Variants in FANCC observed in about 807,000 individuals in gnomAD.
FANCC encodes FA complementation group C.
A neutral mutation model predicts 71.3 loss-of-function variants in FANCC; 55 were observed. That is an observed-to-expected ratio of 0.77 (90% confidence interval 0.62 to 0.97). The LOEUF is 0.97. Ranked by LOEUF, FANCC falls within the 50% of genes least tolerant of loss-of-function variation. FANCC has a pLI of 0.00. For synonymous variants in FANCC, 275 were observed against 244.9 expected (o/e 1.12, Z -1.15); for missense variants, 678 against 670.9 (o/e 1.01, Z -0.12).
intron 3 of FANCC, among the ~76,000 whole-genome samples, chr9:95,245,546 A>G (rs1451333585): frequency 2.0e-5 from 3 of 151,690 alleles, no homozygotes; most frequent in Admixed American, 6.6e-5. Context: ...ATATAGTGTA[A>G]TAGAAGTTAT....
intron 1 of FANCC, among the ~76,000 whole-genome samples, chr9:95,287,630 A>T (rs1833764457): frequency 6.6e-6 from 1 of 152,208 alleles, no homozygotes; most frequent in Admixed American, 6.5e-5. Flanking sequence ...AAAGAATTCC[A>T]TTTGTCAAAT....
At position 95,099,432 on chromosome 9, in the gene FANCC, G is replaced by A. The variant is rs2071008597; in HGVS notation, c.*2275C>T. On this transcript the variant is annotated 3_prime_UTR_variant, in exon 15 of 15. Transcript: ENST00000289081. The stretch of plus-strand genomic sequence containing the variant: ...ACGCCGTCAAGGCCCCCTCGGCCAC[G>A]CCGCGTCCCCGCCCAGCATCTCGGA... 8.9e-6 allele frequency: 2 copies of A among 225,840 alleles called. No homozygotes were observed. The highest frequency in any genetic ancestry group is 1.7e-5 in the Non-Finnish European group (2 of 114,544). 14.0% of individuals were successfully genotyped at this position (225,840 alleles called of 1,614,324 possible). A position where few individuals can be genotyped will look rare whatever the true frequency, so the allele number is the denominator to read the frequency against.
intron 4 of FANCC, among the ~76,000 whole-genome samples, chr9:95,206,260 G>A (rs1828115376): frequency 6.6e-6 from 1 of 152,178 alleles, no homozygotes; most frequent in African/African-American, 2.4e-5. Context: ...CCTGTGGAAT[G>A]CTGTTTACTT....
chr9:95,302,800 A>G (rs1290541383), intron 1 of FANCC, among the ~76,000 whole-genome samples: 3 of 152,242 alleles, frequency 2.0e-5, no homozygotes, highest in Non-Finnish European at 4.4e-5. Flanking sequence ...CAGTAGGGGT[A>G]AAAAACAGCT....
chr9:95,154,190 G>A (rs1261037292), intron 6 of FANCC, among the ~76,000 whole-genome samples: 3 of 136,144 alleles, frequency 2.2e-5, no homozygotes, highest in Admixed American at 8.5e-5. Flanking sequence ...AGATTGCAGT[G>A]AGCTGACATC....
At chr9:95,111,744 TC>T in intron 12 of FANCC, 107 bp from the exon 13 acceptor site, 1 of 1,289,996 alleles carries the variant, frequency 7.8e-7, no homozygotes, top group Non-Finnish European at 1.1e-6. Context: ...ATTGTACTTA[TC>T]CACTGAAGTG....
chr9:95,301,781 A>T (rs908167524), intron 1 of FANCC, among the ~76,000 whole-genome samples: 7 of 151,962 alleles, frequency 4.6e-5, no homozygotes, highest in Non-Finnish European at 8.8e-5. Flanking sequence ...CAGTTCTTTA[A>T]AATAAAAGAA....
At chr9:95,159,927 G>A (rs922820562) in intron 6 of FANCC, among the ~76,000 whole-genome samples, 1 of 152,066 alleles carries the variant, frequency 6.6e-6, no homozygotes, top group Non-Finnish European at 1.5e-5. Flanking sequence ...CTGGATATTA[G>A]CCCTTTGTCA....
chr9:95,135,162 C>T (rs1827486778), intron 8 of FANCC, among the ~76,000 whole-genome samples, 184 bp downstream of exon 8: 2 of 152,186 alleles, frequency 1.3e-5, no homozygotes, highest in Non-Finnish European at 1.5e-5. Context: ...TCCCTGCATG[C>T]TCCAAGGATG....
intron 6 of FANCC, among the ~76,000 whole-genome samples, chr9:95,154,245 C>CAA (rs58720791): frequency 0.062 from 3,102 of 49,942 alleles, 464 homozygotes; most frequent in Non-Finnish European, 0.078. Flanking sequence ...GACTCCGTCT[C>CAA]AAAAAAAAAA....
chr9:95,277,362 G>A (rs573650805), intron 1 of FANCC, among the ~76,000 whole-genome samples: 3 of 152,222 alleles, frequency 2.0e-5, no homozygotes, highest in South Asian at 4.1e-4. Context: ...TAGAAGTGAG[G>A]ATTTTGAAAG....
chr9:95,260,366 A>G (rs1375677547), intron 1 of FANCC, among the ~76,000 whole-genome samples: 3 of 152,204 alleles, frequency 2.0e-5, no homozygotes, highest in Non-Finnish European at 2.9e-5. Context: ...AGCCATAAAA[A>G]AGGCTAAGTT....
At position 95,100,980 on chromosome 9, in the gene FANCC, G is replaced by GAACT. The variant is rs56250966; in HGVS notation, c.*723_*726dup. The GAACT allele has an allele frequency of 1.7e-5, 4 of 233,192 alleles. No homozygotes were observed. The highest frequency in any genetic ancestry group is 8.8e-5 in the African/African-American group (4 of 45,298). The allele number at this position is 233,192 out of a possible 1,614,324, so 14.4% of individuals were successfully genotyped here. A position where few individuals can be genotyped will look rare whatever the true frequency, so the allele number is the denominator to read the frequency against. On this transcript the variant is annotated 3_prime_UTR_variant, in exon 15 of 15. Coordinates refer to ENST00000289081, the MANE Select transcript of FANCC (RefSeq NM_000136.3). ...CAATTCCCATTTCCATTTAACAAGA[G>GAACT]AACTAACTAACTGAATTAATCCTGC...
At chr9:95,212,404 A>G (rs1828561719) in intron 4 of FANCC, among the ~76,000 whole-genome samples, 2 of 152,204 alleles carry the variant, frequency 1.3e-5, no homozygotes, top group African/African-American at 4.8e-5. Context: ...GATAAAAATG[A>G]CAACAGCCTT....
intron 6 of FANCC, among the ~76,000 whole-genome samples, chr9:95,159,790 T>C (rs1391749064): frequency 6.6e-6 from 1 of 152,262 alleles, no homozygotes; most frequent in Non-Finnish European, 1.5e-5. Context: ...CCAGTGATGA[T>C]GAGCATTTTT....
At chr9:95,285,446 T>C (rs1184779139) in intron 1 of FANCC, among the ~76,000 whole-genome samples, 1 of 152,116 alleles carries the variant, frequency 6.6e-6, no homozygotes, top group African/African-American at 2.4e-5. Flanking sequence ...ATAAACAATA[T>C]ACATATCAAG....
chr9:95,121,944 G>A (rs1335135706), intron 10 of FANCC, among the ~76,000 whole-genome samples: 3 of 149,858 alleles, frequency 2.0e-5, no homozygotes, highest in Non-Finnish European at 3.0e-5. Context: ...TGCAAGCTCC[G>A]CCTCCCGGGT....
intron 1 of FANCC, among the ~76,000 whole-genome samples, chr9:95,308,631 G>A (rs1209922435): frequency 2.0e-5 from 3 of 151,758 alleles, no homozygotes; most frequent in East Asian, 1.9e-4. Context: ...CACCCGCCTC[G>A]GCCTCCCAAA....
At chr9:95,128,564 TA>T (rs1165963560) in intron 8 of FANCC, among the ~76,000 whole-genome samples, 1 of 152,226 alleles carries the variant, frequency 6.6e-6, no homozygotes, top group East Asian at 1.9e-4. Flanking sequence ...AGATGTAGAT[TA>T]GGGCTACTAT....
Sources: allele counts gnomAD v4.1 joint callset (sites outside exome capture counted in the v4.1 genomes callset), GRCh38; gene constraint gnomAD v4.1.1; transcripts MANE v1.5; gene names NCBI Gene and HGNC (gene_info 2026-07-23, HGNC 2026-07-21).